PGM1: variants seen among roughly 807,000 people sequenced by gnomAD.
PGM1 encodes phosphoglucomutase 1.
Under a neutral mutation model 55.6 loss-of-function variants are expected in PGM1, and 52 were observed. That is an observed-to-expected ratio of 0.94 (90% confidence interval 0.75 to 1.18). PGM1 has a LOEUF of 1.18. Among genes scored for constraint, PGM1 ranks in the 50% most tolerant of loss-of-function variants. The pLI is 0.00. For synonymous variants in PGM1, 287 were observed against 271.7 expected, an observed-to-expected ratio of 1.06 and a Z score of -0.55; for missense variants, 724 against 729.3, an observed-to-expected ratio of 0.99 and a Z score of 0.08.
chr1:63,633,926 A>ATT (rs1557433702), intron 4 of PGM1, among the ~76,000 whole-genome samples: 1 of 64,790 alleles, frequency 1.5e-5, no homozygotes, highest in African/African-American at 9.6e-5. Context: ...GTGTATATAT[A>ATT]TATATATTTT....
chr1:63,659,552 G>A, intron 10 of PGM1, 34 bp from the exon 11 acceptor site: 1 of 1,538,426 alleles, frequency 6.5e-7, no homozygotes, highest in Non-Finnish European at 9.0e-7. Context: ...TTTAGAGGAA[G>A]TGATGGAAAA....
rs564511247 is a variant in PGM1 at position 63,593,785 on chromosome 1, G to A, written c.246+51G>A. The A allele has an allele frequency of 4.0e-6, 6 of 1,509,912 alleles. No individual in the cohort carries two copies. In the East Asian group the frequency reaches 1.0e-4, roughly 26 times the overall value. 93.5% of individuals were successfully genotyped at this position (1,509,912 alleles called of 1,614,324 possible). A position where few individuals can be genotyped will look rare whatever the true frequency, so the allele number is the denominator to read the frequency against. ...CTGTGCACCCTGGCGCGTGTGCGAC[G>A]TGCGGCCCGCGGCGCCCTCCCTCGC... is the stretch of plus-strand genomic sequence containing the variant. On this transcript the variant is annotated intron_variant, in intron 1 of 10. Transcript: ENST00000371084.
Position 63,651,820 on chromosome 1 carries a change from G to A in PGM1, c.1432G>A (p.Asp478Asn), listed in dbSNP as rs948277464. Residue 478 changes from aspartate (D) to asparagine (N), a missense_variant, in exon 9 of 11, where the codon GAC becomes AAC. Physicochemically the swap from Asp to Asn is conservative, Grantham distance 23. Around this residue, in one of 3 missense-constraint regions of PGM1, gnomAD observed 316 missense variants for 313.1 expected, o/e 1.01. Transcript: ENST00000371084. ...GAAGGCCGATAACTTTGAATACAGC[G>A]ACCCAGTGGATGGAAGCATTTCAAG... ...VEKADNFEYS[D>N]PVDGSISRNQ... 7 of 1,613,896 alleles carry A rather than the reference G, an allele frequency of 4.3e-6. No homozygotes were observed. Among genetic ancestry groups the A allele is most frequent in the Non-Finnish European group, 5.1e-6 (6 of 1,179,958 alleles).
rs940188319 is a variant in PGM1 at position 63,601,384 on chromosome 1, A to G, written c.246+7650A>G. ...AATAATTTTTATGTCACAGTGGTGT[A>G]GTCTGGACCCCTTTAGACTTTAGAA... On this transcript the variant is annotated intron_variant, in intron 1 of 10. Transcript: ENST00000371084. 2.6e-5 allele frequency among the ~76,000 whole-genome samples: 4 copies of G among 152,240 alleles called. No individual in the cohort carries two copies. In the East Asian group the frequency reaches 7.7e-4, roughly 29 times the overall value.
chr1:63,636,626 T>C (rs753153770), intron 6 of PGM1, among the ~76,000 whole-genome samples: 5 of 152,166 alleles, frequency 3.3e-5, no homozygotes, highest in Non-Finnish European at 7.4e-5. Flanking sequence ...TGTGTTCTAG[T>C]AGCTGTTTTC....
chr1:63,630,173 A>G, intron 3 of PGM1, 85 bp downstream of exon 3: 1 of 1,299,984 alleles, frequency 7.7e-7, no homozygotes, highest in Non-Finnish European at 1.1e-6. Context: ...GAGGGTCTTC[A>G]GCTTTGGAAA....
At chr1:63,601,814 C>T (rs560968677) in intron 1 of PGM1, among the ~76,000 whole-genome samples, 2 of 152,162 alleles carry the variant, frequency 1.3e-5, no homozygotes, top group African/African-American at 4.8e-5. Flanking sequence ...TGGAAGTCCT[C>T]CTTCCCATAG....
chr1:63,595,293 C>T (rs1648028910), intron 1 of PGM1, among the ~76,000 whole-genome samples: 1 of 152,170 alleles, frequency 6.6e-6, no homozygotes, highest in Non-Finnish European at 1.5e-5. Context: ...AACGAGGACG[C>T]TGAAGCTTAG....
At chr1:63,657,327 A>G (rs1297107498) in intron 10 of PGM1, among the ~76,000 whole-genome samples, 1 of 152,074 alleles carries the variant, frequency 6.6e-6, no homozygotes, top group Non-Finnish European at 1.5e-5. Flanking sequence ...AATTTTATGA[A>G]TCTTGGTTTC....
chr1:63,598,203 G>T (rs573487927), intron 1 of PGM1, among the ~76,000 whole-genome samples: 1 of 152,182 alleles, frequency 6.6e-6, no homozygotes, highest in South Asian at 2.1e-4. Context: ...CGAACTCATG[G>T]GCTCAAGCGA....
chr1:63,630,042 G>C lies in PGM1; in HGVS notation c.510G>C (p.Leu170=), dbSNP rs1649153048. ...ACCTGAAAGTAGACCTTGGTGTTCT[G>C]GGAAAGCAGCAGTTTGACTTGGAAA... ...CPDLKVDLGV[L]GKQQFDLENK... The change falls in exon 3 of 11, where the codon CTG becomes CTC. Residue 170 remains leucine (L), a synonymous_variant. Coordinates refer to ENST00000371084, the MANE Select transcript of PGM1 (RefSeq NM_002633.3). 6.2e-7 allele frequency: 1 copy of C among 1,613,938 alleles called. No homozygotes were observed. Among genetic ancestry groups the C allele is most frequent in the South Asian group, 1.1e-5 (1 of 91,086 alleles).
intron 1 of PGM1, among the ~76,000 whole-genome samples, chr1:63,598,046 T>G (rs1177689074): frequency 6.6e-6 from 1 of 152,204 alleles, no homozygotes; most frequent in Non-Finnish European, 1.5e-5. Context: ...CGTGGCTTAC[T>G]GCAGCCTCAG....
intron 1 of PGM1, chr1:63,623,003 A>T (rs1648923151): frequency 6.3e-6 from 1 of 159,878 alleles, no homozygotes; most frequent in Non-Finnish European, 1.4e-5. Context: ...TGAGAGCCAC[A>T]CCAGGGTGTC....
At chr1:63,625,165 G>C (rs1445950864) in intron 1 of PGM1, among the ~76,000 whole-genome samples, 1 of 152,196 alleles carries the variant, frequency 6.6e-6, no homozygotes, top group Non-Finnish European at 1.5e-5. Flanking sequence ...TCATTTTTGT[G>C]TGGAGCTGAA....
chr1:63,629,993 T>C lies in PGM1; in HGVS notation c.461T>C (p.Ile154Thr). 1.2e-6 allele frequency: 2 copies of C among 1,614,050 alleles called. No homozygotes were observed. The highest frequency in any genetic ancestry group is 1.7e-6 in the Non-Finnish European group (2 of 1,179,926). ...TDKIFQISKT[I>T]EEYAVCPDLK... is the part of the protein sequence containing the mutation. Reference sequence around the variant, plus strand: ...AAAATTTTCCAAATCAGCAAGACAATTGAAGAATATGCAGTTTGCCCTGAC... The same window carrying C: ...AAAATTTTCCAAATCAGCAAGACAACTGAAGAATATGCAGTTTGCCCTGAC... Residue 154 changes from isoleucine to threonine, a missense_variant, in exon 3 of 11, where the codon ATT becomes ACT. Physicochemically the swap from Ile to Thr is moderately conservative, Grantham distance 89. Transcript: ENST00000371084.
chr1:63,596,988 T>C (rs1034890696), intron 1 of PGM1, among the ~76,000 whole-genome samples: 2 of 152,214 alleles, frequency 1.3e-5, no homozygotes, highest in African/African-American at 4.8e-5. Context: ...ACATCAAACA[T>C]TTATTATGTG....
At chr1:63,604,963 A>C (rs1196186207) in intron 1 of PGM1, among the ~76,000 whole-genome samples, 1 of 81,906 alleles carries the variant, frequency 1.2e-5, no homozygotes, top group African/African-American at 4.3e-5. Flanking sequence ...GTGTGTGTAA[A>C]GAGAGGGGAT....
intron 4 of PGM1, among the ~76,000 whole-genome samples, chr1:63,633,947 T>TTTATTTTTTTTTTTTA: frequency 8.3e-6 from 1 of 119,776 alleles, no homozygotes; most frequent in South Asian, 2.8e-4. Context: ...TTTTTTTTTT[T>TTTATTTTTTTTTTTTA]TTTTTTTTTT....
At position 63,593,604 on chromosome 1, in the gene PGM1, T is replaced by G. The variant is rs772472540; in HGVS notation, c.116T>G (p.Phe39Cys). 25 of 1,613,474 alleles carry G rather than the reference T, an allele frequency of 1.5e-5. No individual in the cohort carries two copies. Among genetic ancestry groups the G allele is most frequent in the South Asian group, 7.7e-5 (7 of 91,002 alleles). ...AGCAGCGCCAACTACGCGGAGAACT[T>G]CATCCAGAGTATCATCTCCACCGTG... is the stretch of plus-strand genomic sequence containing the variant. Reference protein sequence around the residue: ...FQSSANYAENFIQSIISTVEP... With the variant: ...FQSSANYAENCIQSIISTVEP... The change falls in exon 1 of 11, where the codon TTC (phenylalanine) becomes TGC (cysteine). Residue 39 changes from phenylalanine (F) to cysteine (C), a missense_variant. Transcript: ENST00000371084.
Sources: allele counts gnomAD v4.1 joint callset (sites outside exome capture counted in the v4.1 genomes callset), GRCh38; gene constraint gnomAD v4.1.1; regional missense constraint gnomAD v4.1.1; transcripts MANE v1.5; gene names NCBI Gene and HGNC (gene_info 2026-07-23, HGNC 2026-07-21).